The following ATRNL1 variants were observed in gnomAD, a reference collection of about 807,000 sequenced individuals.
ATRNL1 encodes attractin like 1, also known as attractin-like protein 1.
In ATRNL1, 95 loss-of-function variants were observed where a neutral mutation model predicts 182.7. The ratio of observed to expected loss-of-function variants is 0.52; its 90% CI spans 0.44 to 0.62. The LOEUF is 0.62. Among genes scored for constraint, ATRNL1 ranks in the 20% least tolerant of loss-of-function variants. The probability of loss-of-function intolerance (pLI) is 0.00; values close to 1 mark genes in which losing one functional copy is unlikely to be tolerated. For synonymous variants in ATRNL1, 576 were observed against 568.3 expected, an observed-to-expected ratio of 1.01 and a Z score of -0.19; for missense variants, 1,471 against 1,679.5, an observed-to-expected ratio of 0.88 and a Z score of 2.17.
chr10:115,892,455 C>T (rs868944673), intron 28 of ATRNL1, among the ~76,000 whole-genome samples: 10 of 152,252 alleles, frequency 6.6e-5, no homozygotes, highest in South Asian at 2.1e-4. Flanking sequence ...TATAGTTACT[C>T]TTAAAAACTT....
intron 20 of ATRNL1, among the ~76,000 whole-genome samples, chr10:115,415,148 A>G (rs1405181096): frequency 1.3e-5 from 2 of 151,964 alleles, no homozygotes; most frequent in Non-Finnish European, 2.9e-5. Flanking sequence ...CTCATTTTCT[A>G]TTCCTACTAG....
At chr10:115,668,601 C>G (rs897273196) in intron 26 of ATRNL1, among the ~76,000 whole-genome samples, 1 of 152,100 alleles carries the variant, frequency 6.6e-6, no homozygotes, top group African/African-American at 2.4e-5. Flanking sequence ...GTGACCAGAC[C>G]TACAGTCTTT....
chr10:115,836,544 T>C (rs1308468235), intron 27 of ATRNL1, among the ~76,000 whole-genome samples: 4 of 152,214 alleles, frequency 2.6e-5, no homozygotes, highest in Non-Finnish European at 4.4e-5. Flanking sequence ...CTTCTGGCGT[T>C]GCCTGCAAAC....
intron 21 of ATRNL1, among the ~76,000 whole-genome samples, chr10:115,442,866 T>G (rs986166050): frequency 2.0e-5 from 3 of 152,092 alleles, no homozygotes; most frequent in Non-Finnish European, 4.4e-5. Context: ...TTTATTAATT[T>G]AAAAGATTAA....
chr10:115,854,652 A>G (rs1951138444), intron 28 of ATRNL1, among the ~76,000 whole-genome samples: 1 of 151,946 alleles, frequency 6.6e-6, no homozygotes, highest in Non-Finnish European at 1.5e-5. Flanking sequence ...TTCCTCTGTC[A>G]CTTCCCACCA....
chr10:115,305,502 A>G (rs559158694), intron 17 of ATRNL1, among the ~76,000 whole-genome samples: 1 of 152,294 alleles, frequency 6.6e-6, no homozygotes, highest in Admixed American at 6.5e-5. Context: ...GGTTGCAGGC[A>G]TAAAATGGCC....
chr10:115,370,873 C>G (rs1413477038), intron 19 of ATRNL1, among the ~76,000 whole-genome samples: 3 of 152,176 alleles, frequency 2.0e-5, no homozygotes, highest in African/African-American at 7.2e-5. Flanking sequence ...TTCTGGCAGG[C>G]TTTCCAACCA....
intron 9 of ATRNL1, among the ~76,000 whole-genome samples, chr10:115,231,709 CT>C (rs1554900055): frequency 6.6e-6 from 1 of 151,930 alleles, no homozygotes; most frequent in Admixed American, 6.6e-5. Context: ...AGCATGGGCA[CT>C]TTATTCATAA....
intron 26 of ATRNL1, among the ~76,000 whole-genome samples, chr10:115,656,280 TG>T (rs1159556037): frequency 2.6e-5 from 4 of 152,232 alleles, no homozygotes; most frequent in African/African-American, 9.6e-5. Context: ...CATTCAATGT[TG>T]TTTTGATATA....
At chr10:115,661,323 A>T (rs1816875506) in intron 26 of ATRNL1, among the ~76,000 whole-genome samples, 1 of 152,170 alleles carries the variant, frequency 6.6e-6, no homozygotes, top group African/African-American at 2.4e-5. Context: ...GACATTAAAT[A>T]ACAGTTTTAA....
At chr10:115,262,414 A>G (rs1480115042) in intron 10 of ATRNL1, among the ~76,000 whole-genome samples, 1 of 152,030 alleles carries the variant, frequency 6.6e-6, no homozygotes, top group Non-Finnish European at 1.5e-5. Flanking sequence ...TACCAGATAT[A>G]CAAAAATAAG....
chr10:115,710,759 A>C (rs566544298), intron 26 of ATRNL1, among the ~76,000 whole-genome samples: 27 of 152,266 alleles, frequency 1.8e-4, no homozygotes, highest in African/African-American at 6.3e-4. Flanking sequence ...GTTTACAGGA[A>C]AGCTATTTTG....
intron 13 of ATRNL1, among the ~76,000 whole-genome samples, chr10:115,275,670 A>G (rs146753815): frequency 6.6e-6 from 1 of 152,214 alleles, no homozygotes; most frequent in Non-Finnish European, 1.5e-5. Flanking sequence ...GGCTGGGCAT[A>G]CAGAAAACAG....
chr10:115,900,882 G>A (rs1467426834), intron 28 of ATRNL1, among the ~76,000 whole-genome samples: 3 of 152,268 alleles, frequency 2.0e-5, no homozygotes, highest in Admixed American at 6.5e-5. Flanking sequence ...GTCATTTTAC[G>A]GAAGAAGAAA....
chr10:115,663,083 C>G (rs141836356), intron 26 of ATRNL1, among the ~76,000 whole-genome samples: 3 of 152,050 alleles, frequency 2.0e-5, no homozygotes, highest in Non-Finnish European at 2.9e-5. Flanking sequence ...TTTAAAAACT[C>G]GTTTTCTCTT....
intron 16 of ATRNL1, 88 bp from the exon 17 acceptor site, chr10:115,301,767 G>T: frequency 1.7e-6 from 2 of 1,157,236 alleles, no homozygotes. Flanking sequence ...ATTGAAACAT[G>T]CCCTGAACAG....
intron 28 of ATRNL1, among the ~76,000 whole-genome samples, chr10:115,915,688 T>C (rs1325559996): frequency 6.6e-6 from 1 of 152,214 alleles, no homozygotes; most frequent in East Asian, 1.9e-4. Context: ...TAAGGACATG[T>C]GAATGAAATC....
chr10:115,095,375 TA>T (rs58764432), intron 1 of ATRNL1, among the ~76,000 whole-genome samples: 6,663 of 124,814 alleles, frequency 0.053, 371 homozygotes, highest in African/African-American at 0.15. Flanking sequence ...TTTTTTTTTT[TA>T]AAAAAAAACT....
intron 20 of ATRNL1, among the ~76,000 whole-genome samples, chr10:115,410,309 T>C (rs150624952): frequency 6.6e-6 from 1 of 151,912 alleles, no homozygotes; most frequent in Non-Finnish European, 1.5e-5. Context: ...GTTTAGCCAT[T>C]TCTCTTTAAA....
Sources: gnomAD v4.1 joint callset for allele counts (sites outside exome capture counted in the v4.1 genomes callset) on GRCh38, gnomAD v4.1.1 for gene constraint, MANE v1.5 for transcripts, NCBI Gene and HGNC (gene_info 2026-07-23, HGNC 2026-07-21) for gene names.